The following GRID1 variants were observed in gnomAD, a reference collection of about 807,000 sequenced individuals.
The protein encoded by GRID1 is glutamate ionotropic receptor delta type subunit 1.
A neutral mutation model predicts 98.0 loss-of-function variants in GRID1; 28 were observed. The observed-to-expected ratio is 0.29, with a 90% CI of 0.21 to 0.39. GRID1 has a LOEUF of 0.39. Ranked by LOEUF, GRID1 falls within the 10% of genes least tolerant of loss-of-function variation. The pLI is 1.00. For synonymous variants in GRID1, 553 were observed against 538.5 expected, an observed-to-expected ratio of 1.03 and a Z score of -0.37; for missense variants, 1,111 against 1,340.5, an observed-to-expected ratio of 0.83 and a Z score of 2.67.
rs572810217 is a variant in GRID1 at position 85,955,622 on chromosome 10, G to A, written c.727-39383C>T. 1.1e-3 allele frequency among the ~76,000 whole-genome samples: 170 copies of A among 152,320 alleles called. 1 individual carries two copies. The highest frequency in any genetic ancestry group is 3.4e-3 in the Middle Eastern group (1 of 294). On this transcript the variant is annotated intron_variant, in intron 4 of 15. Coordinates refer to ENST00000327946, the MANE Select transcript of GRID1 (RefSeq NM_017551.3). ...AGGCCTCCAGCTGTGCCTGGGATAA[G>A]AAACAACTAGCAACTGACAGGGTTC...
At chr10:85,975,964 C>T (rs1286847528) in intron 4 of GRID1, among the ~76,000 whole-genome samples, 2 of 152,162 alleles carry the variant, frequency 1.3e-5, no homozygotes, top group South Asian at 2.1e-4. Flanking sequence ...TGTGAGAACA[C>T]CAGGAAGCCC....
chr10:85,826,989 C>T (rs778837366), intron 8 of GRID1, among the ~76,000 whole-genome samples: 3 of 152,164 alleles, frequency 2.0e-5, no homozygotes, highest in Non-Finnish European at 4.4e-5. Flanking sequence ...CAAAGGACAA[C>T]TTCAAAGATT....
intron 15 of GRID1, among the ~76,000 whole-genome samples, chr10:85,609,980 T>C (rs1247100661): frequency 6.6e-6 from 1 of 152,150 alleles, no homozygotes; most frequent in Non-Finnish European, 1.5e-5. Context: ...ACATGAATAT[T>C]AAGGGGTTGA....
rs372461171 is a variant in GRID1 at position 86,264,645 on chromosome 10, G to A, written c.236-57997C>T. On this transcript the variant is annotated intron_variant, in intron 2 of 15. Coordinates refer to ENST00000327946, the MANE Select transcript of GRID1 (RefSeq NM_017551.3). ...CTGACTGTGGAGGTAGGTTGGGAGC[G>A]AAGTGGTGAGTCTGTAACCAGAGAG... 22 of 463,634 alleles carry A rather than the reference G, an allele frequency of 4.7e-5. 1 individual carries two copies. Among genetic ancestry groups the A allele is most frequent in the Admixed American group, 1.2e-4 (5 of 42,580 alleles). The allele number at this position is 463,634 out of a possible 1,614,324, so 28.7% of individuals were successfully genotyped here.
chr10:86,298,088 G>C (rs1350079817), intron 2 of GRID1, among the ~76,000 whole-genome samples: 1 of 152,164 alleles, frequency 6.6e-6, no homozygotes, highest in Non-Finnish European at 1.5e-5. Flanking sequence ...AGAAATGACT[G>C]CTTCAAAAAG....
chr10:86,248,618 C>A (rs893918130), intron 2 of GRID1, among the ~76,000 whole-genome samples: 1 of 144,136 alleles, frequency 6.9e-6, no homozygotes, highest in Non-Finnish European at 1.5e-5. Flanking sequence ...CACTCTGTTG[C>A]CCTGGCTGCA....
In GRID1 at chr10:85,865,918, T is replaced by TATATATATATATAC. The variant is rs1554836178; in HGVS notation, c.951+3091_951+3092insGTATATATATATAT. On this transcript the variant is annotated intron_variant, in intron 6 of 15. Coordinates refer to ENST00000327946, the MANE Select transcript of GRID1 (RefSeq NM_017551.3). Reference sequence around the variant, plus strand: ...AAAGTGTTTTACATATATACATATATATATATATATATATATATATATATA... The same window carrying TATATATATATATAC: ...AAAGTGTTTTACATATATACATATATATATATATATATACATATATATATATATATATATATATA... Among the ~76,000 whole-genome samples, 206 of 94,530 alleles carry TATATATATATATAC rather than the reference T, an allele frequency of 2.2e-3. 4 individuals are homozygous for TATATATATATATAC. The highest frequency in any genetic ancestry group is 7.4e-3 in the African/African-American group (184 of 24,780). 62.0% of individuals were successfully genotyped at this position (94,530 alleles called of 152,430 possible).
At chr10:85,977,444 G>C (rs891393659) in intron 4 of GRID1, among the ~76,000 whole-genome samples, 1 of 152,182 alleles carries the variant, frequency 6.6e-6, no homozygotes, top group Non-Finnish European at 1.5e-5. Context: ...AAAATACCAT[G>C]CCAGCCACAC....
intron 12 of GRID1, among the ~76,000 whole-genome samples, chr10:85,683,380 T>A (rs956844398): frequency 6.6e-5 from 10 of 152,204 alleles, no homozygotes; most frequent in Non-Finnish European, 1.3e-4. Flanking sequence ...AGAGTGGAAA[T>A]TTTTAAAATA....
intron 4 of GRID1, among the ~76,000 whole-genome samples, chr10:86,113,184 T>A (rs1463952481): frequency 6.6e-6 from 1 of 152,170 alleles, no homozygotes; most frequent in Non-Finnish European, 1.5e-5. Flanking sequence ...ATGGGTCATG[T>A]CATTGCCCTA....
chr10:86,182,686 T>C (rs1181854581), intron 3 of GRID1, among the ~76,000 whole-genome samples: 2 of 152,266 alleles, frequency 1.3e-5, no homozygotes, highest in Admixed American at 6.5e-5. Flanking sequence ...CAAGGACTAT[T>C]CGTTGAAACT....
At chr10:85,901,053 A>G (rs1841377012) in intron 5 of GRID1, among the ~76,000 whole-genome samples, 1 of 152,136 alleles carries the variant, frequency 6.6e-6, no homozygotes, top group East Asian at 1.9e-4. Flanking sequence ...CAGGCCCAGA[A>G]CAGAACTATA....
At chr10:85,618,924 A>G (rs1246237089) in intron 14 of GRID1, among the ~76,000 whole-genome samples, 1 of 152,222 alleles carries the variant, frequency 6.6e-6, no homozygotes, top group Non-Finnish European at 1.5e-5. Flanking sequence ...CACGTCTCCA[A>G]ATAGAAGTTC....
intron 4 of GRID1, among the ~76,000 whole-genome samples, chr10:85,942,666 A>G (rs994667078): frequency 2.6e-5 from 4 of 152,150 alleles, no homozygotes; most frequent in Admixed American, 6.5e-5. Flanking sequence ...TGGAATGGAG[A>G]CTATGCAAGC....
At chr10:86,292,159 C>T (rs78708721) in intron 2 of GRID1, among the ~76,000 whole-genome samples, 2,202 of 152,280 alleles carry the variant, frequency 0.014, 19 homozygotes, top group Middle Eastern at 0.027. Context: ...AGCACGCACG[C>T]CCCAGCACAG....
intron 4 of GRID1, among the ~76,000 whole-genome samples, chr10:85,920,117 C>T (rs893787675): frequency 1.3e-5 from 2 of 152,164 alleles, no homozygotes; most frequent in Admixed American, 6.5e-5. Context: ...GCCAAAATCA[C>T]CTTGTTTGGC....
chr10:86,218,865 G>A (rs1050780514), intron 2 of GRID1, among the ~76,000 whole-genome samples: 1 of 152,198 alleles, frequency 6.6e-6, no homozygotes. Flanking sequence ...CTAGCACCCC[G>A]CATGGAGTGG....
At chr10:85,643,310 T>C (rs1191482567) in intron 13 of GRID1, among the ~76,000 whole-genome samples, 2 of 152,050 alleles carry the variant, frequency 1.3e-5, no homozygotes, top group African/African-American at 4.8e-5. Flanking sequence ...CAGACTCTGT[T>C]TGGGATTTGG....
intron 2 of GRID1, among the ~76,000 whole-genome samples, chr10:86,334,255 T>G (rs1380803027): frequency 6.6e-6 from 1 of 152,150 alleles, no homozygotes; most frequent in Admixed American, 6.5e-5. Flanking sequence ...GGTGAGAGTA[T>G]ATAATTAAAA....
Sources: allele counts gnomAD v4.1 joint callset (sites outside exome capture counted in the v4.1 genomes callset), GRCh38; gene constraint gnomAD v4.1.1; transcripts MANE v1.5; gene names NCBI Gene and HGNC (gene_info 2026-07-23, HGNC 2026-07-21).